Variants in SNTG1 observed in about 807,000 individuals in gnomAD.
The protein encoded by SNTG1 is gamma-1-syntrophin.
Under a neutral mutation model 74.7 loss-of-function variants are expected in SNTG1, and 39 were observed. The ratio of observed to expected loss-of-function variants is 0.52; its 90% CI spans 0.40 to 0.68. SNTG1 has a LOEUF of 0.68. SNTG1 is among the 30% of genes least tolerant of loss of function. The probability of loss-of-function intolerance (pLI) is 0.00; values close to 1 mark genes in which losing one functional copy is unlikely to be tolerated. For missense variants in SNTG1, 685 were observed against 609.5 expected (o/e 1.12, Z -1.30); for synonymous variants, 254 against 217.1 (o/e 1.17, Z -1.49).
intron 1 of SNTG1, among the ~76,000 whole-genome samples, chr8:50,121,015 T>A (rs1408928658): frequency 1.4e-5 from 2 of 142,174 alleles, no homozygotes; most frequent in East Asian, 4.0e-4. Context: ...TATTTCATTA[T>A]CATATCAAGA....
At chr8:50,632,245 A>G (rs939693015) in intron 13 of SNTG1, among the ~76,000 whole-genome samples, 2 of 151,874 alleles carry the variant, frequency 1.3e-5, no homozygotes, top group Admixed American at 6.6e-5. Flanking sequence ...ATAAAATGAT[A>G]AATATCATGG....
intron 2 of SNTG1, among the ~76,000 whole-genome samples, chr8:50,342,642 A>T (rs1408761993): frequency 6.6e-6 from 1 of 152,192 alleles, no homozygotes; most frequent in Non-Finnish European, 1.5e-5. Flanking sequence ...TGTCATTCAC[A>T]TTCCCCCCAG....
intron 2 of SNTG1, among the ~76,000 whole-genome samples, chr8:50,188,262 T>A (rs989675335): frequency 6.6e-5 from 10 of 152,162 alleles, no homozygotes; most frequent in African/African-American, 2.4e-4. Context: ...TAGTGAACCA[T>A]ACAGGCAAGC....
Position 50,520,456 on chromosome 8 carries a change from T to C in SNTG1, c.467-9721T>C, listed in dbSNP as rs142710684. On this transcript the variant is annotated intron_variant, in intron 9 of 18. Coordinates refer to ENST00000642720, the MANE Select transcript of SNTG1 (RefSeq NM_018967.5). ...ATTGACAAAAGGGCTCAAATTAAACTAAAGAGCTTCTGCACAGCAAAAGAA... is the reference window on the plus strand; with the variant it reads ...ATTGACAAAAGGGCTCAAATTAAACCAAAGAGCTTCTGCACAGCAAAAGAA... 1.7e-3 allele frequency among the ~76,000 whole-genome samples: 259 copies of C among 152,080 alleles called. 1 individual carries two copies. Among genetic ancestry groups the C allele is most frequent in the African/African-American group, 6.0e-3 (250 of 41,486 alleles).
intron 2 of SNTG1, among the ~76,000 whole-genome samples, chr8:50,212,711 T>C (rs755182763): frequency 2.6e-5 from 4 of 152,190 alleles, no homozygotes; most frequent in Non-Finnish European, 5.9e-5. Flanking sequence ...TGTCTATATA[T>C]ACTCTGTGGC....
chr8:49,953,880 A>T (rs1444891702), intron 1 of SNTG1, among the ~76,000 whole-genome samples: 1 of 152,198 alleles, frequency 6.6e-6, no homozygotes, highest in African/African-American at 2.4e-5. Context: ...AGGCAACTTG[A>T]AATTATTTTA....
chr8:50,284,941 T>A (rs543304265), intron 2 of SNTG1, among the ~76,000 whole-genome samples: 1 of 152,302 alleles, frequency 6.6e-6, no homozygotes, highest in South Asian at 2.1e-4. Flanking sequence ...TTAAAAGTAT[T>A]TGTTTGCTTG....
chr8:49,967,969 T>G (rs1811303109), intron 1 of SNTG1, among the ~76,000 whole-genome samples: 1 of 152,224 alleles, frequency 6.6e-6, no homozygotes, highest in Non-Finnish European at 1.5e-5. Context: ...GAGGGTATTC[T>G]CCTCAGTCTT....
At chr8:50,374,489 T>C (rs2092335327) in intron 2 of SNTG1, among the ~76,000 whole-genome samples, 1 of 152,172 alleles carries the variant, frequency 6.6e-6, no homozygotes. Context: ...AGCTCAACTG[T>C]TGTAAGGCGC....
intron 2 of SNTG1, among the ~76,000 whole-genome samples, chr8:50,390,300 A>G (rs2092638545): frequency 6.6e-6 from 1 of 152,242 alleles, no homozygotes; most frequent in Non-Finnish European, 1.5e-5. Context: ...CTTTCTACAT[A>G]TAGCTAGCCA....
chr8:50,416,550 C>A (rs953885056), intron 4 of SNTG1, among the ~76,000 whole-genome samples: 3 of 151,972 alleles, frequency 2.0e-5, no homozygotes, highest in Non-Finnish European at 2.9e-5. Flanking sequence ...TATGAGTTTG[C>A]AGATTAGCTA....
chr8:50,252,360 C>T (rs2086679838), intron 2 of SNTG1, among the ~76,000 whole-genome samples: 1 of 152,020 alleles, frequency 6.6e-6, no homozygotes, highest in African/African-American at 2.4e-5. Flanking sequence ...TAATAAAGCT[C>T]AGACCTAAAT....
chr8:50,756,219 G>A (rs887095757), intron 18 of SNTG1, among the ~76,000 whole-genome samples: 3 of 151,734 alleles, frequency 2.0e-5, no homozygotes, highest in Non-Finnish European at 4.4e-5. Context: ...TTGCTCTCTT[G>A]AGAATGTCTT....
chr8:49,924,207 G>A (rs79873012), intron 1 of SNTG1, among the ~76,000 whole-genome samples: 2,123 of 152,124 alleles, frequency 0.014, 52 homozygotes, highest in African/African-American at 0.046. Context: ...AAGTTTCACC[G>A]GTAGTATCTG....
At chr8:50,096,458 G>A (rs530653629) in intron 1 of SNTG1, among the ~76,000 whole-genome samples, 2 of 152,304 alleles carry the variant, frequency 1.3e-5, no homozygotes, top group Admixed American at 6.5e-5. Context: ...TGTAAACGAT[G>A]ACATCCAAAT....
chr8:50,077,244 T>C (rs203929), intron 1 of SNTG1, among the ~76,000 whole-genome samples: 131,917 of 152,150 alleles, frequency 0.87, 57,323 homozygotes, highest in East Asian at 0.99. Flanking sequence ...CTTTATTCCT[T>C]CCAAATCTGG....
chr8:50,108,896 G>A (rs1401977786), intron 1 of SNTG1, among the ~76,000 whole-genome samples: 1 of 152,166 alleles, frequency 6.6e-6, no homozygotes, highest in Non-Finnish European at 1.5e-5. Flanking sequence ...CCAGGAATTT[G>A]CAGATGTGAG....
chr8:50,611,912 A>G (rs142113054), intron 13 of SNTG1, among the ~76,000 whole-genome samples: 2 of 152,192 alleles, frequency 1.3e-5, no homozygotes, highest in African/African-American at 4.8e-5. Flanking sequence ...GACTACAGGC[A>G]TTTGCCACCA....
At chr8:50,598,129 TA>T (rs1467082235) in intron 13 of SNTG1, among the ~76,000 whole-genome samples, 1 of 151,886 alleles carries the variant, frequency 6.6e-6, no homozygotes, top group East Asian at 1.9e-4. Flanking sequence ...AGTCTTATTT[TA>T]AAAACTCCTT....
Sources: allele counts gnomAD v4.1 joint callset (sites outside exome capture counted in the v4.1 genomes callset), GRCh38; gene constraint gnomAD v4.1.1; transcripts MANE v1.5; gene names NCBI Gene and HGNC (gene_info 2026-07-23, HGNC 2026-07-21).